Variants in MYO9A observed in about 807,000 individuals in gnomAD.
MYO9A encodes the protein myosin IXA, also known as unconventional myosin-IXa.
Under a neutral mutation model 293.3 loss-of-function variants are expected in MYO9A, and 103 were observed. That is an observed-to-expected ratio of 0.35 (90% CI 0.30 to 0.41). The LOEUF is 0.41. MYO9A is among the 10% of genes least tolerant of loss of function. The probability of loss-of-function intolerance (pLI) is 1.00; values close to 1 mark genes in which losing one functional copy is unlikely to be tolerated. For missense variants in MYO9A, 2,685 were observed against 3,033.0 expected (o/e 0.89, Z 2.69); for synonymous variants, 1,001 against 1,035.7 (o/e 0.97, Z 0.64).
intron 3 of MYO9A, among the ~76,000 whole-genome samples, chr15:72,030,705 G>A (rs1485725571): frequency 1.3e-5 from 2 of 151,930 alleles, no homozygotes; most frequent in Non-Finnish European, 2.9e-5. Context: ...TGTATTTTTA[G>A]TAGAGATGGG....
intron 3 of MYO9A, among the ~76,000 whole-genome samples, chr15:72,028,218 A>ATATAT (rs1555408278): frequency 1.3e-3 from 181 of 134,234 alleles, no homozygotes; most frequent in East Asian, 8.0e-3. Flanking sequence ...TAAATAAATA[A>ATATAT]ATATATATAT....
At chr15:72,031,246 A>G (rs2077859730) in intron 3 of MYO9A, among the ~76,000 whole-genome samples, 1 of 152,148 alleles carries the variant, frequency 6.6e-6, no homozygotes, top group South Asian at 2.1e-4. Context: ...ATAAAATAGA[A>G]CAACTAGGCT....
At chr15:71,960,270 C>T (rs764672314) in intron 13 of MYO9A, 174 bp from the exon 14 acceptor site, 3 of 602,944 alleles carry the variant, frequency 5.0e-6, no homozygotes, top group Non-Finnish European at 8.8e-6. Flanking sequence ...AGGCAGATCC[C>T]TCATGAATGG....
chr15:71,947,283 G>GAAAAAAAA (rs33945561), intron 15 of MYO9A, among the ~76,000 whole-genome samples: 2 of 127,886 alleles, frequency 1.6e-5, no homozygotes, highest in Non-Finnish European at 3.2e-5. Context: ...TCCATCTCAG[G>GAAAAAAAA]AAAAAAAAAA....
intron 18 of MYO9A, among the ~76,000 whole-genome samples, chr15:71,923,850 T>C (rs889954036): frequency 4.6e-5 from 7 of 152,208 alleles, no homozygotes; most frequent in African/African-American, 1.4e-4. Flanking sequence ...TTATTTCTGC[T>C]ATGATCTTTA....
intron 15 of MYO9A, among the ~76,000 whole-genome samples, chr15:71,946,749 T>C (rs1196117542): frequency 6.6e-6 from 1 of 152,182 alleles, no homozygotes; most frequent in African/African-American, 2.4e-5. Context: ...TGGAGAACAT[T>C]TCCACATCGC....
intron 1 of MYO9A, among the ~76,000 whole-genome samples, chr15:72,084,769 G>C (rs1418422487): frequency 6.6e-6 from 1 of 152,174 alleles, no homozygotes; most frequent in Non-Finnish European, 1.5e-5. Flanking sequence ...TTTTCTTTAA[G>C]AATCTTGAAT....
At chr15:72,017,047 GTC>G (rs2077363928) in intron 6 of MYO9A, among the ~76,000 whole-genome samples, 2 of 102,630 alleles carry the variant, frequency 1.9e-5, no homozygotes, top group Admixed American at 3.0e-4. Context: ...TTGAAATAGA[GTC>G]TTGCTGTGTC....
At chr15:72,089,988 T>A (rs770041849) in intron 1 of MYO9A, among the ~76,000 whole-genome samples, 45 of 152,214 alleles carry the variant, frequency 3.0e-4, no homozygotes, top group Non-Finnish European at 5.4e-4. Flanking sequence ...GAGATAACAA[T>A]GCTATATTAA....
intron 1 of MYO9A, among the ~76,000 whole-genome samples, chr15:72,107,445 A>G (rs567081535): frequency 4.5e-4 from 69 of 152,262 alleles, no homozygotes; most frequent in African/African-American, 1.6e-3. Flanking sequence ...GCTACTCCAG[A>G]GGCTGAGGCA....
At chr15:71,873,258 T>C (rs1054165866) in intron 32 of MYO9A, among the ~76,000 whole-genome samples, 1 of 152,180 alleles carries the variant, frequency 6.6e-6, no homozygotes, top group African/African-American at 2.4e-5. Context: ...TCTTGGTGAA[T>C]GTCCCCTTTT....
chr15:72,049,818 C>T (rs952002256), intron 1 of MYO9A, among the ~76,000 whole-genome samples: 1 of 152,206 alleles, frequency 6.6e-6, no homozygotes, highest in African/African-American at 2.4e-5. Flanking sequence ...CCCCTACTAC[C>T]CCATCTGTGG....
At chr15:71,919,336 G>A (rs2058094277) in intron 18 of MYO9A, among the ~76,000 whole-genome samples, 1 of 152,004 alleles carries the variant, frequency 6.6e-6, no homozygotes, top group Non-Finnish European at 1.5e-5. Context: ...AGCTATTCGG[G>A]AGGTGGAGAT....
chr15:71,924,185 C>T (rs2058229060), intron 18 of MYO9A, among the ~76,000 whole-genome samples: 1 of 151,808 alleles, frequency 6.6e-6, no homozygotes, highest in African/African-American at 2.4e-5. Flanking sequence ...AGTTTAATCC[C>T]TTGTCACAAA....
chr15:71,898,839 T>C lies in MYO9A; in HGVS notation c.3664A>G (p.Ser1222Gly). Residue 1222 changes from serine to glycine, a missense_variant, in exon 25 of 42, where the codon AGT becomes GGT. Transcript: ENST00000356056. ...GACTCCTTCAAGCAGTCCACTGAAC[T>C]TTCACGGCTAATTCGATTACTCTCT... ...VIESNRISRE[S>G]SVDCLKESPN... The C allele has an allele frequency of 6.2e-7, 1 of 1,614,164 alleles. No homozygotes were observed. Among genetic ancestry groups the C allele is most frequent in the Non-Finnish European group, 8.5e-7 (1 of 1,180,022 alleles).
At chr15:72,008,747 A>G (rs1339055884) in intron 7 of MYO9A, among the ~76,000 whole-genome samples, 1 of 152,158 alleles carries the variant, frequency 6.6e-6, no homozygotes, top group Non-Finnish European at 1.5e-5. Flanking sequence ...CTTATCTGAC[A>G]TCTCAGAGGC....
chr15:72,020,846 G>GA, intron 5 of MYO9A, 72 bp downstream of exon 5: 1 of 960,360 alleles, frequency 1.0e-6, no homozygotes, highest in East Asian at 3.0e-5. Flanking sequence ...GAAAGTACTA[G>GA]AAAAAAGACA....
chr15:72,066,196 T>C (rs961943644), intron 1 of MYO9A, among the ~76,000 whole-genome samples: 7 of 152,220 alleles, frequency 4.6e-5, no homozygotes, highest in Admixed American at 4.6e-4. Flanking sequence ...CAGTAATAGC[T>C]GACTAATACA....
intron 10 of MYO9A, among the ~76,000 whole-genome samples, chr15:71,993,977 A>G (rs1057396011): frequency 6.6e-6 from 1 of 151,662 alleles, no homozygotes; most frequent in African/African-American, 2.4e-5. Flanking sequence ...AAAAACAGCA[A>G]TCCCACTTTG....
Sources: gnomAD v4.1 joint callset for allele counts (sites outside exome capture counted in the v4.1 genomes callset) on GRCh38, gnomAD v4.1.1 for gene constraint, MANE v1.5 for transcripts, NCBI Gene and HGNC (gene_info 2026-07-23, HGNC 2026-07-21) for gene names.